Variants in TBC1D5 observed in about 807,000 individuals in gnomAD.
TBC1D5 encodes the protein TBC1 domain family, member 5.
In TBC1D5, 75 loss-of-function variants were observed where a neutral mutation model predicts 100.3. The observed-to-expected ratio is 0.75, with a 90% CI of 0.62 to 0.91. The LOEUF (loss-of-function observed/expected upper bound fraction) is 0.91. Among genes scored for constraint, TBC1D5 ranks in the 40% least tolerant of loss-of-function variants. The pLI is 0.00. For missense variants in TBC1D5, 910 were observed against 942.4 expected, an observed-to-expected ratio of 0.97 and a Z score of 0.45; for synonymous variants, 323 against 325.6, an observed-to-expected ratio of 0.99 and a Z score of 0.09.
At chr3:17,396,504 T>C (rs542090460) in intron 8 of TBC1D5, among the ~76,000 whole-genome samples, 71 of 152,176 alleles carry the variant, frequency 4.7e-4, no homozygotes, top group Non-Finnish European at 9.3e-4. Context: ...ATCTTAACTT[T>C]GTAAAGTGTG....
chr3:17,741,023 C>T (rs565811019), upstream of TBC1D5: 1 of 151,870 alleles, frequency 6.6e-6, no homozygotes, highest in East Asian at 1.9e-4. Context: ...GCCCCTTCTC[C>T]CAAGCCACCT....
chr3:17,217,769 C>T (rs1428866214), intron 17 of TBC1D5, among the ~76,000 whole-genome samples: 1 of 152,014 alleles, frequency 6.6e-6, no homozygotes, highest in Admixed American at 6.6e-5. Flanking sequence ...GTGCAAGTTC[C>T]TTATCAAACA....
intron 1 of TBC1D5, among the ~76,000 whole-genome samples, chr3:17,626,048 A>G (rs1302516979): frequency 6.6e-6 from 1 of 152,160 alleles, no homozygotes; most frequent in Non-Finnish European, 1.5e-5. Context: ...GATATATAGC[A>G]TTATGTGTAT....
chr3:17,731,964 G>A (rs1300487850), intron 1 of TBC1D5, among the ~76,000 whole-genome samples: 1 of 152,180 alleles, frequency 6.6e-6, no homozygotes, highest in South Asian at 2.1e-4. Flanking sequence ...TTATCCAGTA[G>A]GCAATCAGAT....
intron 1 of TBC1D5, among the ~76,000 whole-genome samples, chr3:17,702,027 AGGG>A (rs1560506398): frequency 1.3e-5 from 2 of 152,168 alleles, no homozygotes; most frequent in Non-Finnish European, 2.9e-5. Flanking sequence ...TTATTAAATT[AGGG>A]TGAATTTTTA....
chr3:17,593,023 G>A (rs1211225845), intron 2 of TBC1D5, among the ~76,000 whole-genome samples: 1 of 152,088 alleles, frequency 6.6e-6, no homozygotes, highest in African/African-American at 2.4e-5. Flanking sequence ...TCAAATCCAA[G>A]TGGTATACAC....
At chr3:17,387,168 A>G (rs2093185747) in intron 8 of TBC1D5, among the ~76,000 whole-genome samples, 2 of 152,156 alleles carry the variant, frequency 1.3e-5, no homozygotes, top group Admixed American at 6.6e-5. Flanking sequence ...AAAGAAGTAA[A>G]GTTTTCAAAA....
rs76185889 is a variant in TBC1D5 at position 17,193,591 on chromosome 3, A to G, written c.1753-8383T>C. ...TTCCCTTTATATTCAGCTGTTGCTT[A>G]TAAGTTTTATTGAGGGACTAAAAAA... On this transcript the variant is annotated intron_variant, in intron 18 of 21. Coordinates refer to ENST00000253692, the Ensembl canonical transcript of TBC1D5. Among the ~76,000 whole-genome samples the G allele has an allele frequency of 5.6e-4, 85 of 152,342 alleles. No homozygotes were observed. In the East Asian group the frequency reaches 0.012, roughly 21 times the overall value.
chr3:17,641,235 T>C (rs1282012249), intron 1 of TBC1D5, among the ~76,000 whole-genome samples: 1 of 152,132 alleles, frequency 6.6e-6, no homozygotes, highest in Non-Finnish European at 1.5e-5. Context: ...ATCATGCCCT[T>C]GATCCAGGAA....
At chr3:17,729,016 T>TTAA (rs1553935132) in intron 1 of TBC1D5, among the ~76,000 whole-genome samples, 1 of 29,604 alleles carries the variant, frequency 3.4e-5, no homozygotes. Context: ...TGAAAATCAG[T>TTAA]AAAAAAAAAA....
chr3:17,371,234 T>C (rs997164177), intron 13 of TBC1D5, among the ~76,000 whole-genome samples: 6 of 152,070 alleles, frequency 3.9e-5, no homozygotes, highest in Non-Finnish European at 1.5e-5. Flanking sequence ...GGAATCTACG[T>C]CTGAGGGTAG....
intron 8 of TBC1D5, among the ~76,000 whole-genome samples, chr3:17,401,785 CAGTTT>C (rs1404732930): frequency 1.3e-5 from 2 of 152,128 alleles, no homozygotes; most frequent in African/African-American, 4.8e-5. Flanking sequence ...GATGCCTTTA[CAGTTT>C]AGTTAACAAT....
At chr3:17,374,213 C>T (rs17273020) in intron 12 of TBC1D5, among the ~76,000 whole-genome samples, 45,097 of 151,760 alleles carry the variant, frequency 0.3, 7,154 homozygotes, top group Middle Eastern at 0.41. Flanking sequence ...AATTTTGTAA[C>T]GAAGCACTTA....
intron 2 of TBC1D5, among the ~76,000 whole-genome samples, chr3:17,519,613 T>C (rs1013811276): frequency 2.6e-5 from 4 of 152,212 alleles, no homozygotes; most frequent in African/African-American, 7.2e-5. Context: ...TACTCATCTA[T>C]ACTCTAAGTT....
intron 13 of TBC1D5, among the ~76,000 whole-genome samples, chr3:17,313,523 T>G (rs909988572): frequency 1.3e-5 from 2 of 152,190 alleles, no homozygotes; most frequent in African/African-American, 4.8e-5. Context: ...TAATTACTCC[T>G]ATCCTCCGTA....
At chr3:17,534,901 GTT>G (rs2096267881) in intron 2 of TBC1D5, among the ~76,000 whole-genome samples, 1 of 152,160 alleles carries the variant, frequency 6.6e-6, no homozygotes, top group Non-Finnish European at 1.5e-5. Context: ...CAGGGTGGTT[GTT>G]TTAATGACTT....
In TBC1D5 at chr3:17,583,872, C is replaced by T. The variant is rs533136905; in HGVS notation, c.-36+39977G>A. 9.9e-5 allele frequency among the ~76,000 whole-genome samples: 15 copies of T among 152,242 alleles called. No individual in the cohort carries two copies. The South Asian group carries it at 2.3e-3, about 23-fold the overall frequency. On this transcript the variant is annotated intron_variant, in intron 2 of 21. Transcript: ENST00000253692. Reference sequence around the variant, plus strand: ...ACTCCTAGGTACATACCCATATGAACAGAGAATAGGTACTCAAACAGGTTC... The same window carrying T: ...ACTCCTAGGTACATACCCATATGAATAGAGAATAGGTACTCAAACAGGTTC...
chr3:17,577,827 A>G (rs1482473013), intron 2 of TBC1D5, among the ~76,000 whole-genome samples: 1 of 152,026 alleles, frequency 6.6e-6, no homozygotes, highest in Admixed American at 6.6e-5. Context: ...AATTCTAAAT[A>G]CAGAATAAAA....
chr3:17,557,551 GTTGTTA>G (rs2096530281), intron 2 of TBC1D5, among the ~76,000 whole-genome samples: 1 of 152,030 alleles, frequency 6.6e-6, no homozygotes, highest in African/African-American at 2.4e-5. Flanking sequence ...TTTTGTTGTT[GTTGTTA>G]TTGTTGTTTT....
Sources: allele counts gnomAD v4.1 joint callset (sites outside exome capture counted in the v4.1 genomes callset), GRCh38; gene constraint gnomAD v4.1.1; transcripts MANE v1.5; gene names NCBI Gene and HGNC (gene_info 2026-07-23, HGNC 2026-07-21).